The following KLF7 variants were observed in gnomAD, a reference collection of about 807,000 sequenced individuals.
The protein encoded by KLF7 is KLF transcription factor 7.
A neutral mutation model predicts 27.3 loss-of-function variants in KLF7; 2 were observed. That is an observed-to-expected ratio of 0.07 (90% CI 0.03 to 0.23). The LOEUF is 0.23. KLF7 is among the 10% of genes least tolerant of loss of function. KLF7 has a pLI of 1.00. For synonymous variants in KLF7, 165 were observed against 162.4 expected (o/e 1.02, Z -0.12); for missense variants, 221 against 394.1 (o/e 0.56, Z 3.72).
intron 2 of KLF7, among the ~76,000 whole-genome samples, chr2:207,116,017 A>G (rs2077173133): frequency 6.6e-6 from 1 of 152,258 alleles, no homozygotes; most frequent in East Asian, 1.9e-4. Context: ...AATGCAGAAG[A>G]AAAAAACCCC....
At chr2:207,127,932 G>A (rs1228516478) in intron 1 of KLF7, among the ~76,000 whole-genome samples, 4 of 152,122 alleles carry the variant, frequency 2.6e-5, no homozygotes, top group African/African-American at 9.7e-5. Flanking sequence ...CATACATAGA[G>A]AAATAAATGT....
chr2:207,133,110 C>A (rs2077683026), intron 1 of KLF7, among the ~76,000 whole-genome samples: 1 of 152,144 alleles, frequency 6.6e-6, no homozygotes. Flanking sequence ...AGAGCTGGGG[C>A]CTAGAAGATG....
At chr2:207,123,683 G>A in intron 2 of KLF7, 91 bp downstream of exon 2, 1 of 1,386,638 alleles carries the variant, frequency 7.2e-7, no homozygotes, top group Non-Finnish European at 9.9e-7. Flanking sequence ...CAGCAGGGGT[G>A]CCACTCCTCA....
intron 2 of KLF7, among the ~76,000 whole-genome samples, chr2:207,098,820 A>G (rs561676200): frequency 3.9e-5 from 5 of 128,942 alleles, no homozygotes; most frequent in African/African-American, 1.3e-4. Context: ...ATGCCTCCCA[A>G]TGCTGCACAG....
intron 1 of KLF7, among the ~76,000 whole-genome samples, chr2:207,153,721 G>A (rs1423243344): frequency 6.6e-6 from 1 of 151,986 alleles, no homozygotes; most frequent in East Asian, 1.9e-4. Flanking sequence ...TCATGAAGTA[G>A]AGAGAAAGAT....
At chr2:207,119,697 AT>A (rs1162664014) in intron 2 of KLF7, among the ~76,000 whole-genome samples, 1 of 151,820 alleles carries the variant, frequency 6.6e-6, no homozygotes, top group Non-Finnish European at 1.5e-5. Context: ...CCATATGTCC[AT>A]TTTTTTTAAT....
At chr2:207,151,229 C>T (rs2078237588) in intron 1 of KLF7, among the ~76,000 whole-genome samples, 1 of 152,156 alleles carries the variant, frequency 6.6e-6, no homozygotes, top group South Asian at 2.1e-4. Flanking sequence ...ACTCAGCCCA[C>T]CCTTCGAGAA....
At chr2:207,120,238 C>T (rs944957529) in intron 2 of KLF7, among the ~76,000 whole-genome samples, 1 of 152,110 alleles carries the variant, frequency 6.6e-6, no homozygotes, top group Admixed American at 6.5e-5. Flanking sequence ...TTGAAGGATT[C>T]AGCATCCTCA....
intron 1 of KLF7, among the ~76,000 whole-genome samples, chr2:207,153,879 G>A (rs2078312900): frequency 6.6e-6 from 1 of 152,160 alleles, no homozygotes; most frequent in South Asian, 2.1e-4. Context: ...ATCTACAGAA[G>A]GAGAGAATGC....
chr2:207,083,197 AAATC>A (rs1319719112), intron 3 of KLF7, among the ~76,000 whole-genome samples: 2 of 152,162 alleles, frequency 1.3e-5, no homozygotes, highest in African/African-American at 2.4e-5. Context: ...GTACACAGAA[AAATC>A]AATACAGCCC....
In KLF7 at chr2:207,144,769, C is replaced by G. The variant is rs567231693; in HGVS notation, c.103-20365G>C. On this transcript the variant is annotated intron_variant, in intron 1 of 3. Transcript: ENST00000309446. ...ACACATCTTAGTCCCCAAATCCTTC[C>G]TCCAGTCATGCAGATCAAGTAAATG... is the stretch of plus-strand genomic sequence containing the variant. Among the ~76,000 whole-genome samples, 7 of 152,316 alleles carry G rather than the reference C, an allele frequency of 4.6e-5. No individual in the cohort carries two copies. In the South Asian group the frequency reaches 1.4e-3, roughly 32 times the overall value.
intron 1 of KLF7, among the ~76,000 whole-genome samples, chr2:207,145,827 C>A (rs1022116257): frequency 1.3e-5 from 2 of 152,034 alleles, no homozygotes; most frequent in Non-Finnish European, 2.9e-5. Context: ...CAGTGTGGGG[C>A]ACACAGAAGG....
At chr2:207,126,473 C>G (rs1221012078) in intron 1 of KLF7, among the ~76,000 whole-genome samples, 1 of 152,164 alleles carries the variant, frequency 6.6e-6, no homozygotes, top group African/African-American at 2.4e-5. Flanking sequence ...TACCCTGTAC[C>G]ATGCTGAGGG....
chr2:207,126,051 A>T (rs1263265203), intron 1 of KLF7, among the ~76,000 whole-genome samples: 1 of 152,228 alleles, frequency 6.6e-6, no homozygotes, highest in Admixed American at 6.5e-5. Flanking sequence ...TGTTTTACTT[A>T]TTGATTAAAT....
intron 2 of KLF7, among the ~76,000 whole-genome samples, chr2:207,109,785 GATA>G (rs1292032081): frequency 6.6e-6 from 1 of 152,154 alleles, no homozygotes; most frequent in Non-Finnish European, 1.5e-5. Flanking sequence ...AGGCCATCAA[GATA>G]ATATTACTAA....
chr2:207,121,225 T>C (rs1373704018), intron 2 of KLF7, among the ~76,000 whole-genome samples: 1 of 152,176 alleles, frequency 6.6e-6, no homozygotes, highest in East Asian at 1.9e-4. Context: ...CCACATCCCA[T>C]TGATCAACCA....
At chr2:207,142,703 A>C (rs2077977358) in intron 1 of KLF7, among the ~76,000 whole-genome samples, 1 of 152,160 alleles carries the variant, frequency 6.6e-6, no homozygotes, top group African/African-American at 2.4e-5. Flanking sequence ...CATTCTAAAA[A>C]GTGCACACAG....
chr2:207,157,558 C>T (rs1240760589), intron 1 of KLF7, among the ~76,000 whole-genome samples: 1 of 152,228 alleles, frequency 6.6e-6, no homozygotes, highest in African/African-American at 2.4e-5. Context: ...AGTCTTGGAA[C>T]ACCCTGACTC....
At position 207,100,795 on chromosome 2, in the gene KLF7, G is replaced by T. The variant is rs116478069; in HGVS notation, c.734-12214C>A. 4.7e-3 allele frequency among the ~76,000 whole-genome samples: 708 copies of T among 152,206 alleles called. 4 individuals carry two copies. The highest frequency in any genetic ancestry group is 0.016 in the African/African-American group (678 of 41,514). ...TTTTTATGCCTTGATCCCTTGCCCT[G>T]CTTCTCCCCACACACATTAAATGAA... On this transcript the variant is annotated intron_variant, in intron 2 of 3. Transcript: ENST00000309446.
Sources: gnomAD v4.1 joint callset for allele counts (sites outside exome capture counted in the v4.1 genomes callset) on GRCh38, gnomAD v4.1.1 for gene constraint, MANE v1.5 for transcripts, NCBI Gene and HGNC (gene_info 2026-07-23, HGNC 2026-07-21) for gene names.